The following CHD1L variants were observed in gnomAD, a reference collection of about 807,000 sequenced individuals.
CHD1L encodes the protein chromodomain helicase DNA binding protein 1 like.
In CHD1L, 118 loss-of-function variants were observed where a neutral mutation model predicts 115.9. The observed-to-expected ratio is 1.02, with a 90% CI of 0.88 to 1.19. The LOEUF is 1.19. Ranked by LOEUF, CHD1L falls within the 50% of genes most tolerant of loss-of-function variation. The pLI is 0.00. For synonymous variants in CHD1L, 411 were observed against 387.1 expected (o/e 1.06, Z -0.72); for missense variants, 1,179 against 1,065.3 (o/e 1.11, Z -1.49).
chr1:147,285,631 T>C, intron 17 of CHD1L, 144 bp downstream of exon 17: 7 of 946,076 alleles, frequency 7.4e-6, no homozygotes, highest in Admixed American at 2.4e-5. Context: ...TCTGAAAACA[T>C]TTCCTCTAGG....
At chr1:147,278,734 C>G (rs1379293987) in intron 14 of CHD1L, among the ~76,000 whole-genome samples, 1 of 152,056 alleles carries the variant, frequency 6.6e-6, no homozygotes, top group Non-Finnish European at 1.5e-5. Flanking sequence ...CTGAGGTGCT[C>G]TTTTCCAGTT....
chr1:147,291,577 G>T (rs1685544398), intron 20 of CHD1L, 25 bp downstream of exon 20: 1 of 1,588,152 alleles, frequency 6.3e-7, no homozygotes, highest in East Asian at 2.2e-5. Flanking sequence ...TCTCTTCTCA[G>T]AACTACAAGT....
chr1:147,265,757 G>GA (rs587739019), intron 7 of CHD1L, among the ~76,000 whole-genome samples, 175 bp from the exon 8 acceptor site: 94 of 152,096 alleles, frequency 6.2e-4, no homozygotes, highest in African/African-American at 2.1e-3. Flanking sequence ...CATGATTCCA[G>GA]AAAAAAGATG....
chr1:147,285,558 A>G (rs751392806), intron 17 of CHD1L, 71 bp downstream of exon 17: 39 of 1,427,514 alleles, frequency 2.7e-5, no homozygotes, highest in Non-Finnish European at 3.2e-5. Flanking sequence ...ACCACAGTTG[A>G]ATATCACTTT....
intron 22 of CHD1L, 73 bp from the exon 23 acceptor site, chr1:147,295,358 A>T: frequency 1.1e-6 from 1 of 933,506 alleles, no homozygotes; most frequent in Non-Finnish European, 1.8e-6. Flanking sequence ...TTCAATAATT[A>T]CTAGAGAACT....
At chr1:147,208,236 G>A in the CHD1L span, among the ~76,000 whole-genome samples, 5 of 152,064 alleles carry the variant, frequency 3.3e-5, no homozygotes, top group Non-Finnish European at 5.9e-5. Context: ...TACTCAATGA[G>A]TAAATGACGC....
chr1:147,199,268 A>T, the CHD1L span, among the ~76,000 whole-genome samples: 1 of 152,210 alleles, frequency 6.6e-6, no homozygotes, highest in South Asian at 2.1e-4. Flanking sequence ...CAAAGGGTTT[A>T]AAATTGGCAT....
the CHD1L span, chr1:147,186,318 A>C: frequency 1.0e-6 from 1 of 982,434 alleles, no homozygotes; most frequent in Non-Finnish European, 1.2e-6. Flanking sequence ...AAAAGGGCTA[A>C]AAATGACCAT....
chr1:147,294,140 T>A (rs1686668174), intron 21 of CHD1L, among the ~76,000 whole-genome samples: 1 of 152,242 alleles, frequency 6.6e-6, no homozygotes, highest in South Asian at 2.1e-4. Context: ...TTGAATTGAT[T>A]GGCTTGTTAG....
intron 15 of CHD1L, among the ~76,000 whole-genome samples, chr1:147,280,816 G>A (rs886262313): frequency 8.5e-5 from 13 of 152,096 alleles, no homozygotes; most frequent in African/African-American, 3.1e-4. Context: ...GTATTCCCTG[G>A]CATCTTGTAG....
rs1553949378 is a variant in CHD1L at position 147,267,500 on chromosome 1, C to T, written c.970C>T (p.His324Tyr). The change falls in exon 9 of 23, where the codon CAC becomes TAC. Residue 324 changes from histidine (H) to tyrosine (Y), a missense_variant. Coordinates refer to ENST00000369258, the MANE Select transcript of CHD1L (RefSeq NM_004284.6). ...GTCCCAGCTTCGAAAGTGTGTGGAT[C>T]ACCCATATTTGTTTGATGGTGAGAC... The part of the protein sequence containing the change: ...ILSQLRKCVD[H>Y]PYLFDGVEPE... The T allele has an allele frequency of 6.2e-7, 1 of 1,611,698 alleles. No homozygotes were observed.
chr1:147,198,872 A>AAAAAAAAAAAAG, the CHD1L span, among the ~76,000 whole-genome samples: 4 of 144,594 alleles, frequency 2.8e-5, no homozygotes, highest in African/African-American at 7.9e-5. Context: ...AAAAAAAAAA[A>AAAAAAAAAAAAG]AAAGAAAGAA....
chr1:147,178,815 GT>G, the CHD1L span: 4 of 1,604,902 alleles, frequency 2.5e-6, no homozygotes, highest in Admixed American at 6.7e-5. Flanking sequence ...AAATTAAAAA[GT>G]TTATCCAGGA....
At position 147,272,178 on chromosome 1, in the gene CHD1L, C is replaced by A; in HGVS notation, c.1167C>A (p.Ser389Arg). The A allele has an allele frequency of 6.2e-7, 1 of 1,613,012 alleles. No individual in the cohort carries two copies. Among genetic ancestry groups the A allele is most frequent in the Non-Finnish European group, 8.5e-7 (1 of 1,179,060 alleles). ...TTCTTCCTCTCTGTAAAGGCTACAG[C>A]TATGAGCGTGTGGATGGTTCTGTGA... ...LQDYMDYRGY[S>R]YERVDGSVRG... The change falls in exon 12 of 23, where the codon AGC becomes AGA. Residue 389 changes from serine (S) to arginine (R), a missense_variant. Coordinates refer to ENST00000369258, the MANE Select transcript of CHD1L (RefSeq NM_004284.6).
At chr1:147,222,584 A>C in the CHD1L span, among the ~76,000 whole-genome samples, 1 of 152,228 alleles carries the variant, frequency 6.6e-6, no homozygotes, top group Non-Finnish European at 1.5e-5. Context: ...GGAGCTTTAA[A>C]AAATGGAGAT....
chr1:147,281,717 T>C (rs902504976), intron 15 of CHD1L, among the ~76,000 whole-genome samples: 1 of 152,068 alleles, frequency 6.6e-6, no homozygotes, highest in Admixed American at 6.5e-5. Flanking sequence ...TTAATATGTA[T>C]TCCAGGGAGA....
At chr1:147,179,003 T>C in the CHD1L span, 1 of 1,613,824 alleles carries the variant, frequency 6.2e-7, no homozygotes, top group Non-Finnish European at 8.5e-7. Context: ...GGGCACAAAC[T>C]CAACTTTGCT....
In CHD1L at chr1:147,259,921, A is replaced by G. The variant is rs782279843; in HGVS notation, c.576+3A>G. ...TGCTGCATAAGACCTTGTCAGAGGT[A>G]AACTTACAGTGTAGCCTTAGTTTTT... On this transcript the variant is annotated splice_donor_region_variant and intron_variant, in intron 6 of 22. Transcript: ENST00000369258. 72 of 1,610,884 alleles carry G rather than the reference A, an allele frequency of 4.5e-5. 1 individual carries two copies. The South Asian group carries it at 7.3e-4, about 16-fold the overall frequency.
At chr1:147,200,311 C>T in the CHD1L span, among the ~76,000 whole-genome samples, 3 of 152,284 alleles carry the variant, frequency 2.0e-5, no homozygotes, top group Admixed American at 1.3e-4. Context: ...AGGAAATTCT[C>T]ATATCTCTCC....
Sources: gnomAD v4.1 joint callset for allele counts (sites outside exome capture counted in the v4.1 genomes callset) on GRCh38, gnomAD v4.1.1 for gene constraint, MANE v1.5 for transcripts, NCBI Gene and HGNC (gene_info 2026-07-23, HGNC 2026-07-21) for gene names.